Variants in HECW2 observed in about 807,000 individuals in gnomAD.
HECW2 encodes the protein HECT, C2 and WW domain containing E3 ubiquitin protein ligase 2.
A neutral mutation model predicts 175.2 loss-of-function variants in HECW2; 61 were observed. The ratio of observed to expected loss-of-function variants is 0.35; its 90% CI spans 0.28 to 0.43. The LOEUF is 0.43. HECW2 is among the 20% of genes least tolerant of loss of function. HECW2 has a pLI of 1.00. For synonymous variants in HECW2, 671 were observed against 731.0 expected (o/e 0.92, Z 1.32); for missense variants, 1,524 against 2,000.5 (o/e 0.76, Z 4.54).
rs1483220072 is a variant in HECW2, at chr2:196,282,840, T to C, written c.3001-4178A>G. Among the ~76,000 whole-genome samples the C allele has an allele frequency of 2.0e-5, 3 of 152,316 alleles. No homozygotes were observed. The East Asian group carries it at 5.8e-4, about 29-fold the overall frequency. ...ATATCCAACCCCCCACTTTCCATCA[T>C]GGCCTGAACTAGCTTTTTTAGGTTA... is the stretch of plus-strand genomic sequence containing the variant. On this transcript the variant is annotated intron_variant, in intron 14 of 28. Transcript: ENST00000644978.
At chr2:196,384,054 G>A (rs948829322) in intron 2 of HECW2, among the ~76,000 whole-genome samples, 1 of 152,126 alleles carries the variant, frequency 6.6e-6, no homozygotes, top group Non-Finnish European at 1.5e-5. Flanking sequence ...TCATTCAGAT[G>A]CTATTATATT....
At chr2:196,225,024 G>T (rs1687799252) in intron 23 of HECW2, among the ~76,000 whole-genome samples, 1 of 152,176 alleles carries the variant, frequency 6.6e-6, no homozygotes, top group Non-Finnish European at 1.5e-5. Flanking sequence ...CTCAGTTAGG[G>T]TATGAGCTGG....
chr2:196,559,629 C>T (rs1689929541), intron 1 of HECW2, among the ~76,000 whole-genome samples: 2 of 152,288 alleles, frequency 1.3e-5, no homozygotes, highest in Admixed American at 6.5e-5. Flanking sequence ...CCAGCTAAAG[C>T]CTTTTTTCTT....
At chr2:196,433,860 C>T (rs919392102) in intron 1 of HECW2, among the ~76,000 whole-genome samples, 8 of 152,202 alleles carry the variant, frequency 5.3e-5, no homozygotes, top group Non-Finnish European at 8.8e-5. Context: ...AATAGCGAGA[C>T]ACATGCTAAA....
intron 4 of HECW2, chr2:196,331,046 T>C (rs903976903): frequency 3.5e-6 from 2 of 576,162 alleles, no homozygotes; most frequent in Admixed American, 6.3e-5. Context: ...GTTGAGAAAT[T>C]CCATTCAAAT....
intron 1 of HECW2, among the ~76,000 whole-genome samples, chr2:196,435,773 CA>C (rs1375042928): frequency 1.3e-5 from 2 of 152,200 alleles, no homozygotes; most frequent in African/African-American, 4.8e-5. Context: ...TCTGTTTCCC[CA>C]CCTATCCAGG....
chr2:196,372,805 G>A (rs182566795), intron 2 of HECW2, among the ~76,000 whole-genome samples: 146 of 151,976 alleles, frequency 9.6e-4, no homozygotes, highest in African/African-American at 3.3e-3. Context: ...TCATGTAATC[G>A]GTTAACTATA....
intron 1 of HECW2, among the ~76,000 whole-genome samples, chr2:196,556,690 G>A (rs1252527491): frequency 6.6e-6 from 1 of 152,148 alleles, no homozygotes; most frequent in Non-Finnish European, 1.5e-5. Context: ...ACATCTGTGG[G>A]ATTAAAGTAC....
intron 2 of HECW2, among the ~76,000 whole-genome samples, chr2:196,423,749 T>G (rs1695468872): frequency 6.7e-6 from 1 of 150,320 alleles, no homozygotes; most frequent in Non-Finnish European, 1.5e-5. Context: ...CATCCACTGA[T>G]GGACACTTAG....
At position 196,253,939 on chromosome 2, in the gene HECW2, T is replaced by C. The variant is rs760147568; in HGVS notation, c.3510A>G (p.Ser1170=). The C allele has an allele frequency of 1.9e-6, 3 of 1,613,986 alleles. No homozygotes were observed. Among genetic ancestry groups the C allele is most frequent in the Non-Finnish European group, 2.5e-6 (3 of 1,179,916 alleles). The change falls in exon 19 of 29, where the codon TCA becomes TCG. Residue 1170 remains serine, a synonymous_variant. Transcript: ENST00000644978. ...YCQSPRGSPV[S]SPQNSPGTQR... ...ACTCACCTGGCGAGTTCTGAGGAGA[T>C]GACACGGGAGAGCCACGTGGGGACT...
rs547917642 is a variant in HECW2 at position 196,338,524 on chromosome 2, T to C, written c.401-4006A>G. The stretch of plus-strand genomic sequence containing the variant: ...CCTAGGCATTTATATAAGATTATAT[T>C]TCAAGCCCTCTCTGCAAAAAGGTTC... On this transcript the variant is annotated intron_variant, in intron 3 of 28. Coordinates refer to ENST00000644978, the MANE Select transcript of HECW2 (RefSeq NM_001348768.2). Among the ~76,000 whole-genome samples, 3 of 152,334 alleles carry C rather than the reference T, an allele frequency of 2.0e-5. No homozygotes were observed. The East Asian group carries it at 5.8e-4, about 29-fold the overall frequency.
Position 196,329,560 on chromosome 2 carries a change from T to A in HECW2, c.571+15A>T. 6.2e-7 allele frequency: 1 copy of A among 1,606,624 alleles called. No homozygotes were observed. On this transcript the variant is annotated intron_variant, in intron 5 of 28. Coordinates refer to ENST00000644978, the MANE Select transcript of HECW2 (RefSeq NM_001348768.2). ...ACACTTTCAAACTGGATGTCACGTT[T>A]AAAGACATTCTTACCTGACAATGTA...
intron 19 of HECW2, 101 bp downstream of exon 19, chr2:196,253,819 C>A: frequency 9.5e-7 from 1 of 1,054,426 alleles, no homozygotes; most frequent in Non-Finnish European, 1.4e-6. Context: ...CAAAGATGTA[C>A]CTGAAGTGTT....
intron 1 of HECW2, among the ~76,000 whole-genome samples, chr2:196,576,072 C>A (rs1229141113): frequency 6.7e-6 from 1 of 148,602 alleles, no homozygotes. Flanking sequence ...GATTATAACA[C>A]CATATTTTTA....
At position 196,566,028 on chromosome 2, in the gene HECW2, A is replaced by G. The variant is rs538334658; in HGVS notation, c.-36+27480T>C. ...CAGGAAACAACTTTTTAAATTACAT[A>G]GGCATTTTAGAATTCTCACCGCCGC... On this transcript the variant is annotated intron_variant, in intron 1 of 28. Coordinates refer to ENST00000644978, the MANE Select transcript of HECW2 (RefSeq NM_001348768.2). Among the ~76,000 whole-genome samples, 4 of 152,274 alleles carry G rather than the reference A, an allele frequency of 2.6e-5. No homozygotes were observed. The South Asian group carries it at 8.3e-4, about 32-fold the overall frequency.
intron 1 of HECW2, among the ~76,000 whole-genome samples, chr2:196,465,709 T>C (rs953951747): frequency 4.7e-5 from 7 of 149,824 alleles, no homozygotes; most frequent in African/African-American, 1.7e-4. Context: ...TGCAAATACG[T>C]GGCCGTTCTG....
chr2:196,323,364 G>T (rs749606590), intron 6 of HECW2, among the ~76,000 whole-genome samples: 2 of 152,152 alleles, frequency 1.3e-5, no homozygotes, highest in Admixed American at 1.3e-4. Flanking sequence ...TCTTTACAAC[G>T]ATGTAACTTT....
chr2:196,386,295 G>C (rs1324917972), intron 2 of HECW2, among the ~76,000 whole-genome samples: 1 of 152,136 alleles, frequency 6.6e-6, no homozygotes, highest in East Asian at 1.9e-4. Flanking sequence ...GAACAGAGAG[G>C]GAAAGCTGGG....
intron 6 of HECW2, among the ~76,000 whole-genome samples, chr2:196,323,162 C>T (rs1250765992): frequency 6.6e-6 from 1 of 152,126 alleles, no homozygotes; most frequent in East Asian, 1.9e-4. Context: ...TGGAATTTTT[C>T]CTTAAGTTTA....
Sources: gnomAD v4.1 joint callset for allele counts (sites outside exome capture counted in the v4.1 genomes callset) on GRCh38, gnomAD v4.1.1 for gene constraint, MANE v1.5 for transcripts, NCBI Gene and HGNC (gene_info 2026-07-23, HGNC 2026-07-21) for gene names.